Variants in MUC13 observed in about 807,000 individuals in gnomAD.
MUC13 encodes mucin-13.
MUC13 carries 32 observed loss-of-function variants against 48.3 expected under a neutral mutation model. That is an observed-to-expected ratio of 0.66 (90% confidence interval 0.50 to 0.89). The LOEUF is 0.89. Among genes scored for constraint, MUC13 ranks in the 40% least tolerant of loss-of-function variants. MUC13 has a pLI of 0.00. For missense variants in MUC13, 571 were observed against 622.8 expected (o/e 0.92, Z 0.88); for synonymous variants, 199 against 224.9 (o/e 0.88, Z 1.03).
At chr3:124,915,456 A>G (rs1017243112) in intron 6 of MUC13, among the ~76,000 whole-genome samples, 6 of 152,228 alleles carry the variant, frequency 3.9e-5, no homozygotes, top group African/African-American at 1.4e-4. Context: ...TGTGGAGCAG[A>G]GACAAACCAT....
intron 2 of MUC13, among the ~76,000 whole-genome samples, chr3:124,927,283 A>G (rs1332743806): frequency 6.6e-6 from 1 of 152,308 alleles, no homozygotes; most frequent in Non-Finnish European, 1.5e-5. Context: ...ATTAAAAAAA[A>G]TACTGCACAG....
rs1288724502 is a variant in MUC13, at chr3:124,914,194, G to A, written c.965-513C>T. Among the ~76,000 whole-genome samples, 5 of 151,806 alleles carry A rather than the reference G, an allele frequency of 3.3e-5. No homozygotes were observed. The East Asian group carries it at 9.7e-4, about 30-fold the overall frequency. ...TGGGAGGCCGAGGCTGGTGGATCAC[G>A]AGGTCAGAAGTTTGAGACCAGCCTG... is the stretch of plus-strand genomic sequence containing the variant. On this transcript the variant is annotated intron_variant, in intron 6 of 11. Coordinates refer to ENST00000616727, the MANE Select transcript of MUC13 (RefSeq NM_033049.4).
chr3:124,924,001 C>T (rs1935648451), intron 2 of MUC13, among the ~76,000 whole-genome samples: 1 of 152,158 alleles, frequency 6.6e-6, no homozygotes, highest in Non-Finnish European at 1.5e-5. Flanking sequence ...GGTCCTCTAA[C>T]ACTAGGTGGG....
At chr3:124,929,529 T>A (rs1935758376) in intron 1 of MUC13, among the ~76,000 whole-genome samples, 1 of 152,254 alleles carries the variant, frequency 6.6e-6, no homozygotes, top group African/African-American at 2.4e-5. Flanking sequence ...AGAGCCTGAT[T>A]CTTCACCTTG....
chr3:124,928,118 G>A (rs1239731386), intron 1 of MUC13, 125 bp from the exon 2 acceptor site: 1 of 766,790 alleles, frequency 1.3e-6, no homozygotes, highest in African/African-American at 1.9e-5. Context: ...GTTTCCCCAA[G>A]TTGCCTAGAT....
At position 124,912,807 on chromosome 3, in the gene MUC13, G is replaced by A. The variant is rs543814480; in HGVS notation, c.1214+304C>T. Among the ~76,000 whole-genome samples the A allele has an allele frequency of 1.9e-3, 293 of 151,988 alleles. 1 individual carries two copies. The highest frequency in any genetic ancestry group is 3.3e-3 in the Non-Finnish European group (223 of 67,970). ...AAAAATTAGCTGGACAGGGTGGCAG[G>A]CACCTGTAATCCCAGCTACTCGGGA... is the stretch of plus-strand genomic sequence containing the variant. On this transcript the variant is annotated intron_variant, in intron 8 of 11. Coordinates refer to ENST00000616727, the MANE Select transcript of MUC13 (RefSeq NM_033049.4).
At chr3:124,907,049 A>T (rs1579359921) in intron 11 of MUC13, among the ~76,000 whole-genome samples, 1 of 152,286 alleles carries the variant, frequency 6.6e-6, no homozygotes, top group East Asian at 1.9e-4. Context: ...CTAAGCAGTG[A>T]CAGCTATGAT....
At chr3:124,921,887 G>C (rs1398695943) in intron 4 of MUC13, among the ~76,000 whole-genome samples, 1 of 152,206 alleles carries the variant, frequency 6.6e-6, no homozygotes, top group Non-Finnish European at 1.5e-5. Flanking sequence ...ATAAAACAAT[G>C]GGTATGGTAT....
intron 1 of MUC13, among the ~76,000 whole-genome samples, chr3:124,932,520 C>G: frequency 6.7e-6 from 1 of 149,688 alleles, no homozygotes; most frequent in East Asian, 2.0e-4. Flanking sequence ...AAGCAGAGAT[C>G]GTGCCATTGC....
chr3:124,932,728 C>T (rs1408731196), intron 1 of MUC13, among the ~76,000 whole-genome samples: 1 of 151,978 alleles, frequency 6.6e-6, no homozygotes, highest in Non-Finnish European at 1.5e-5. Flanking sequence ...TAGGGATTTC[C>T]CCTCTATTGC....
At chr3:124,910,865 A>G (rs906185203) in intron 9 of MUC13, among the ~76,000 whole-genome samples, 8 of 152,172 alleles carry the variant, frequency 5.3e-5, no homozygotes, top group Non-Finnish European at 8.8e-5. Flanking sequence ...CTGATAAGCT[A>G]AGGAAACTAG....
intron 5 of MUC13, among the ~76,000 whole-genome samples, chr3:124,919,482 G>A (rs1411782139): frequency 6.6e-6 from 1 of 151,278 alleles, no homozygotes; most frequent in African/African-American, 2.4e-5. Context: ...GAGCCACCAT[G>A]TCTGGCCTTC....
chr3:124,917,966 C>T (rs144254102), intron 5 of MUC13, among the ~76,000 whole-genome samples: 141 of 152,148 alleles, frequency 9.3e-4, no homozygotes, highest in Middle Eastern at 3.4e-3. Context: ...ACCTGTGAAA[C>T]GGTTAAAGGG....
At chr3:124,928,811 T>C (rs1935739700) in intron 1 of MUC13, among the ~76,000 whole-genome samples, 1 of 152,214 alleles carries the variant, frequency 6.6e-6, no homozygotes, top group Admixed American at 6.5e-5. Context: ...TGCCACAAGG[T>C]GGCGCAGTGA....
Position 124,913,158 on chromosome 3 carries a change from A to G in MUC13, c.1167T>C (p.Cys389=). Residue 389 remains cysteine (C), a synonymous_variant, in exon 8 of 12, where the codon TGT becomes TGC. Coordinates refer to ENST00000616727, the MANE Select transcript of MUC13 (RefSeq NM_033049.4). ...CTTCCTGGTAGCCGGGCACGCACGC[A>G]CACTCAGGGGCCCCACCACTCTTCT... ...LIKKSGGAPE[C]ACVPGYQEDA... 6.2e-7 allele frequency: 1 copy of G among 1,614,078 alleles called. No homozygotes were observed. The highest frequency in any genetic ancestry group is 8.5e-7 in the Non-Finnish European group (1 of 1,180,014).
chr3:124,907,778 C>T (rs1935341679), intron 11 of MUC13, among the ~76,000 whole-genome samples: 1 of 152,052 alleles, frequency 6.6e-6, no homozygotes, highest in Admixed American at 6.5e-5. Context: ...AGTGTCCTTC[C>T]CTGGTCCTGG....
At chr3:124,920,317 A>G (rs757415104) in intron 4 of MUC13, 28 bp from the exon 5 acceptor site, 2 of 1,562,028 alleles carry the variant, frequency 1.3e-6, no homozygotes, top group East Asian at 4.6e-5. Context: ...TTTAATAACA[A>G]GTAAAAAAAA....
rs1579371005 is a variant in MUC13, at chr3:124,927,545, G to T, written c.501C>A (p.Thr167=). 6.2e-7 allele frequency: 1 copy of T among 1,614,054 alleles called. No homozygotes were observed. ...PTGTALLETS[T]LNSTGPSNPC... Reference sequence around the variant, plus strand: ...AATTGTCCTTACCTGTGCTGTTTAGGGTGCTGGTCTCCAATAAAGCGGTGC... The same window carrying T: ...AATTGTCCTTACCTGTGCTGTTTAGTGTGCTGGTCTCCAATAAAGCGGTGC... Residue 167 remains threonine (T), a synonymous_variant, in exon 2 of 12, where the codon ACC becomes ACA. Transcript: ENST00000616727.
rs878964929 is a variant in MUC13, at chr3:124,923,524, C to T, written c.637+3G>A. 2 of 1,612,650 alleles carry T rather than the reference C, an allele frequency of 1.2e-6. No homozygotes were observed. The highest frequency in any genetic ancestry group is 8.5e-7 in the Non-Finnish European group (1 of 1,179,562). On this transcript the variant is annotated splice_donor_region_variant and intron_variant, in intron 3 of 11. Coordinates refer to ENST00000616727, the MANE Select transcript of MUC13 (RefSeq NM_033049.4). ...CAGCCATGGCTCATCCCTTGTAACTCACCTTTCTTACATGTAGAAGAGTTG... is the reference window on the plus strand; with the variant it reads ...CAGCCATGGCTCATCCCTTGTAACTTACCTTTCTTACATGTAGAAGAGTTG...
Sources: allele counts gnomAD v4.1 joint callset (sites outside exome capture counted in the v4.1 genomes callset), GRCh38; gene constraint gnomAD v4.1.1; transcripts MANE v1.5; gene names NCBI Gene and HGNC (gene_info 2026-07-23, HGNC 2026-07-21).